The following MAP2K2 variants were observed in gnomAD, a reference collection of about 807,000 sequenced individuals.
The protein encoded by MAP2K2 is mitogen-activated protein kinase kinase 2.
Under a neutral mutation model 43.7 loss-of-function variants are expected in MAP2K2, and 24 were observed. That is an observed-to-expected ratio of 0.55 (90% CI 0.40 to 0.77). The LOEUF is 0.77. Ranked by LOEUF, MAP2K2 falls within the 30% of genes least tolerant of loss-of-function variation. The pLI is 0.00. For missense variants in MAP2K2, 470 were observed against 566.8 expected (o/e 0.83, Z 1.73); for synonymous variants, 244 against 239.7 (o/e 1.02, Z -0.17).
chr19:4,121,698 T>C (rs1354429070), intron 1 of MAP2K2, among the ~76,000 whole-genome samples: 1 of 103,376 alleles, frequency 9.7e-6, no homozygotes, highest in Non-Finnish European at 1.9e-5. Context: ...CCACTAGACC[T>C]CCCCCAGCAG....
At chr19:4,102,565 G>A in intron 3 of MAP2K2, 112 bp from the exon 4 acceptor site, 1 of 979,908 alleles carries the variant, frequency 1.0e-6, no homozygotes, top group South Asian at 1.4e-5. Flanking sequence ...GGGAAGCAGG[G>A]GCCGGAGCCC....
intron 1 of MAP2K2, among the ~76,000 whole-genome samples, chr19:4,119,721 C>T (rs989120229): frequency 6.6e-6 from 1 of 152,204 alleles, no homozygotes; most frequent in East Asian, 1.9e-4. Flanking sequence ...CCAGGGGCTA[C>T]TCAACCAGGC....
chr19:4,121,369 G>A (rs912124391), intron 1 of MAP2K2, among the ~76,000 whole-genome samples: 2 of 151,438 alleles, frequency 1.3e-5, no homozygotes, highest in Non-Finnish European at 2.9e-5. Flanking sequence ...ACGCCTCCTC[G>A]TTCCTCACAC....
intron 2 of MAP2K2, 40 bp downstream of exon 2, chr19:4,117,379 C>T (rs2145079450): frequency 6.3e-7 from 1 of 1,583,048 alleles, no homozygotes; most frequent in Non-Finnish European, 8.6e-7. Flanking sequence ...GGGGGACCTT[C>T]CCCACCACTC....
intron 6 of MAP2K2, 124 bp downstream of exon 6, chr19:4,100,869 GAGCTGCGCAGGAGAACTGGGAGGGAC>G (rs1177735762): frequency 4.5e-6 from 4 of 894,222 alleles, no homozygotes; most frequent in South Asian, 1.6e-5. Flanking sequence ...GAGGCGGGGA[GAGCTGCGCAGGAGAACTGGGAGGGAC>G]AGCTGCGCAG....
Position 4,102,793 on chromosome 19 carries a change from G to A in MAP2K2, c.451-340C>T. ...GCGGCCGGGGGCTCAGGCAGCTGTG[G>A]GGCCCGCACTCCCTGCAGCCTACGT... On this transcript the variant is annotated intron_variant, in intron 3 of 10. Coordinates refer to ENST00000262948, the MANE Select transcript of MAP2K2 (RefSeq NM_030662.4). The A allele has an allele frequency of 3.2e-6, 4 of 1,249,076 alleles. No homozygotes were observed. The South Asian group carries it at 6.1e-5, about 19-fold the overall frequency. 77.4% of individuals were successfully genotyped at this position (1,249,076 alleles called of 1,614,324 possible).
intron 3 of MAP2K2, among the ~76,000 whole-genome samples, chr19:4,110,176 C>A (rs879675946): frequency 6.6e-6 from 1 of 151,852 alleles, no homozygotes; most frequent in Non-Finnish European, 1.5e-5. Flanking sequence ...TGGTGGCGGG[C>A]GCCTGTAATC....
chr19:4,100,940 G>T (rs2040998142), intron 6 of MAP2K2, 79 bp downstream of exon 6: 1 of 1,511,704 alleles, frequency 6.6e-7, no homozygotes, highest in Non-Finnish European at 9.0e-7. Context: ...GGGAGAGCTG[G>T]CTGGCAGAGC....
intron 10 of MAP2K2, 140 bp downstream of exon 10, chr19:4,094,313 G>T: frequency 1.1e-6 from 1 of 869,786 alleles, no homozygotes; most frequent in Non-Finnish European, 1.9e-6. Flanking sequence ...TCCTCGGCGT[G>T]GCCTGGCACA....
At chr19:4,103,765 TGAGACCTCTAA>T (rs2041048607) in intron 3 of MAP2K2, among the ~76,000 whole-genome samples, 1 of 152,206 alleles carries the variant, frequency 6.6e-6, no homozygotes, top group African/African-American at 2.4e-5. Flanking sequence ...CAACACGCTT[TGAGACCTCTAA>T]AGCATACACG....
intron 2 of MAP2K2, 44 bp downstream of exon 2, chr19:4,117,375 C>T (rs1259773486): frequency 1.3e-6 from 2 of 1,574,544 alleles, no homozygotes; most frequent in Non-Finnish European, 1.7e-6. Context: ...TCCAGGGGGA[C>T]CTTCCCCACC....
chr19:4,116,025 C>A, intron 2 of MAP2K2, among the ~76,000 whole-genome samples: 1 of 152,236 alleles, frequency 6.6e-6, no homozygotes, highest in East Asian at 1.9e-4. Context: ...CCGTCAGCAC[C>A]AGGGCTTGCA....
chr19:4,119,662 C>T (rs974858038), intron 1 of MAP2K2, among the ~76,000 whole-genome samples: 6 of 152,192 alleles, frequency 3.9e-5, no homozygotes, highest in Admixed American at 3.3e-4. Context: ...ATTATTGCGC[C>T]TATGCTCTCG....
At chr19:4,103,191 G>A (rs1290292621) in intron 3 of MAP2K2, 1 of 988,538 alleles carries the variant, frequency 1.0e-6, no homozygotes, top group Non-Finnish European at 1.2e-6. Context: ...CCTCGCCACT[G>A]TGCCGGGCAT....
intron 1 of MAP2K2, among the ~76,000 whole-genome samples, chr19:4,120,667 A>C (rs765218213): frequency 2.6e-5 from 4 of 152,224 alleles, no homozygotes; most frequent in Non-Finnish European, 5.9e-5. Context: ...GTACTGCTCA[A>C]AACATTGAAA....
At chr19:4,102,627 G>A in intron 3 of MAP2K2, 174 bp from the exon 4 acceptor site, 1 of 901,036 alleles carries the variant, frequency 1.1e-6, no homozygotes. Context: ...TCTGCCTTTG[G>A]GTCTGAACAC....
In MAP2K2 at chr19:4,117,635, G is replaced by A. The variant is rs727504836; in HGVS notation, c.93-6C>T. On this transcript the variant is annotated splice_region_variant and splice_polypyrimidine_tract_variant and intron_variant, in intron 1 of 10. Transcript: ENST00000262948. Reference sequence around the variant, plus strand: ...GCAGGTCCACCAGGTTTGCCCTGCAGAGACCCCCCAGGGTAGGGGTTAGCT... The same window carrying A: ...GCAGGTCCACCAGGTTTGCCCTGCAAAGACCCCCCAGGGTAGGGGTTAGCT... The A allele has an allele frequency of 4.0e-5, 64 of 1,613,790 alleles. No homozygotes were observed. The highest frequency in any genetic ancestry group is 5.1e-5 in the Non-Finnish European group (60 of 1,180,016).
chr19:4,095,160 T>C, intron 9 of MAP2K2: 1 of 540,502 alleles, frequency 1.9e-6, no homozygotes, highest in Admixed American at 3.1e-5. Context: ...GCACAGGGCC[T>C]GCAATCCTGC....
intron 6 of MAP2K2, chr19:4,099,810 T>C: frequency 3.3e-6 from 1 of 300,476 alleles, no homozygotes; most frequent in South Asian, 5.8e-5. Flanking sequence ...TCCAATTCCT[T>C]GGTCCAGAAA....
Sources: gnomAD v4.1 joint callset for allele counts (sites outside exome capture counted in the v4.1 genomes callset) on GRCh38, gnomAD v4.1.1 for gene constraint, MANE v1.5 for transcripts, NCBI Gene and HGNC (gene_info 2026-07-23, HGNC 2026-07-21) for gene names.